Variants in SLC17A6 observed in about 807,000 individuals in gnomAD.
The protein encoded by SLC17A6 is vesicular glutamate transporter 2.
A neutral mutation model predicts 67.1 loss-of-function variants in SLC17A6; 35 were observed. The ratio of observed to expected loss-of-function variants is 0.52; its 90% CI spans 0.40 to 0.69. SLC17A6 has a LOEUF of 0.69. SLC17A6 is among the 30% of genes least tolerant of loss of function. The pLI, the probability that SLC17A6 is intolerant of heterozygous loss-of-function variation, is 0.00. For synonymous variants in SLC17A6, 285 were observed against 252.3 expected, an observed-to-expected ratio of 1.13 and a Z score of -1.23; for missense variants, 588 against 723.9, an observed-to-expected ratio of 0.81 and a Z score of 2.15.
In SLC17A6 at chr11:22,348,680, T is replaced by A. The variant is rs186610698; in HGVS notation, c.458+5315T>A. ...TCCTTGGGGTTTTGACTGATGCAACTCAATTTACATGCTGTATAAAATAGA... is the reference window on the plus strand; with the variant it reads ...TCCTTGGGGTTTTGACTGATGCAACACAATTTACATGCTGTATAAAATAGA... On this transcript the variant is annotated intron_variant, in intron 3 of 11. Transcript: ENST00000263160. Among the ~76,000 whole-genome samples the A allele has an allele frequency of 1.1e-3, 170 of 152,278 alleles. 2 individuals are homozygous for A. The highest frequency in any genetic ancestry group is 8.6e-3 in the Admixed American group (132 of 15,296).
chr11:22,358,203 ATAG>A (rs1313163318), intron 3 of SLC17A6, among the ~76,000 whole-genome samples: 2 of 152,224 alleles, frequency 1.3e-5, no homozygotes, highest in African/African-American at 4.8e-5. Context: ...CCTAAAATAT[ATAG>A]ATTAGCTCAT....
At position 22,360,532 on chromosome 11, in the gene SLC17A6, C is replaced by G. The variant is rs80302319; in HGVS notation, c.574-365C>G. On this transcript the variant is annotated intron_variant, in intron 4 of 11. Coordinates refer to ENST00000263160, the MANE Select transcript of SLC17A6 (RefSeq NM_020346.3). ...CCAAAAAACCCGCTCTCCTTCCCCC[C>G]CCCCCAAAAAAAAGATAGGTTCAAA... 2.2e-3 allele frequency among the ~76,000 whole-genome samples: 303 copies of G among 139,450 alleles called. 3 individuals carry two copies. Among genetic ancestry groups the G allele is most frequent in the African/African-American group, 6.9e-3 (276 of 39,770 alleles). The allele number at this position is 139,450 out of a possible 152,430, so 91.5% of individuals were successfully genotyped here. A position where few individuals can be genotyped will look rare whatever the true frequency, so the allele number is the denominator to read the frequency against.
In SLC17A6 at chr11:22,371,650, G is replaced by A. The variant is rs764023; in HGVS notation, c.1041+1462G>A. Among the ~76,000 whole-genome samples, 1,198 of 152,024 alleles carry A rather than the reference G, an allele frequency of 7.9e-3. 20 individuals carry two copies. Among genetic ancestry groups the A allele is most frequent in the African/African-American group, 0.027 (1,139 of 41,466 alleles). On this transcript the variant is annotated intron_variant, in intron 8 of 11. Coordinates refer to ENST00000263160, the MANE Select transcript of SLC17A6 (RefSeq NM_020346.3). ...CAACTGATGTTAATGAAACTGTGTG[G>A]TCATTTTGGTCCTGTAGCTCCAATT... is the stretch of plus-strand genomic sequence containing the variant.
chr11:22,373,475 A>T (rs1320554872), intron 8 of SLC17A6, among the ~76,000 whole-genome samples: 4 of 151,490 alleles, frequency 2.6e-5, no homozygotes, highest in Admixed American at 2.6e-4. Flanking sequence ...TTTTTTTTTT[A>T]ATGTCAGTTT....
At position 22,341,587 on chromosome 11, in the gene SLC17A6, C is replaced by T; in HGVS notation, c.146C>T (p.Pro49Leu). The change falls in exon 2 of 12, where the codon CCC becomes CTC. Residue 49 changes from proline to leucine, a missense_variant. By Grantham distance (98) the Pro-to-Leu change is moderately conservative (BLOSUM62 -3). Around this residue, in one of 4 missense-constraint regions of SLC17A6, gnomAD observed 117 missense variants for 98.7 expected, o/e 1.19. Transcript: ENST00000263160. ...ETIELTEDGK[P>L]LEVPERKAPL... Reference sequence around the variant, plus strand: ...ATCGAGCTGACGGAGGATGGGAAGCCCCTAGAGGTGCCCGAGAGGAAGGCG... The same window carrying T: ...ATCGAGCTGACGGAGGATGGGAAGCTCCTAGAGGTGCCCGAGAGGAAGGCG... 6.2e-7 allele frequency: 1 copy of T among 1,614,072 alleles called. No homozygotes were observed. The highest frequency in any genetic ancestry group is 8.5e-7 in the Non-Finnish European group (1 of 1,180,034).
intron 7 of SLC17A6, among the ~76,000 whole-genome samples, chr11:22,366,455 G>T (rs189607125): frequency 3.2e-4 from 49 of 152,040 alleles, no homozygotes; most frequent in African/African-American, 9.4e-4. Flanking sequence ...TGATATAAAA[G>T]AATTATAACA....
chr11:22,338,684 G>T, intron 1 of SLC17A6, 65 bp downstream of exon 1: 2 of 1,138,194 alleles, frequency 1.8e-6, no homozygotes, highest in South Asian at 1.3e-5. Flanking sequence ...GGCCGTTTCC[G>T]TAAACCCTGG....
intron 4 of SLC17A6, 43 bp downstream of exon 4, chr11:22,359,570 G>C: frequency 8.0e-7 from 1 of 1,254,108 alleles, no homozygotes; most frequent in Non-Finnish European, 1.1e-6. Flanking sequence ...TTGGCATTTG[G>C]TTGAGAACCA....
intron 3 of SLC17A6, among the ~76,000 whole-genome samples, chr11:22,351,461 G>C (rs973373085): frequency 2.0e-5 from 3 of 151,946 alleles, no homozygotes; most frequent in Non-Finnish European, 4.4e-5. Flanking sequence ...ATGAAGGCAG[G>C]CATACTGATA....
chr11:22,360,786 A>G, intron 4 of SLC17A6, 111 bp from the exon 5 acceptor site: 1 of 827,388 alleles, frequency 1.2e-6, no homozygotes, highest in Non-Finnish European at 1.9e-6. Flanking sequence ...ATCAGAAAAA[A>G]AGAAAATTGA....
At chr11:22,363,783 T>C (rs1434116666) in intron 6 of SLC17A6, among the ~76,000 whole-genome samples, 2 of 152,160 alleles carry the variant, frequency 1.3e-5, no homozygotes, top group Non-Finnish European at 2.9e-5. Flanking sequence ...GTGAACATTT[T>C]TTTTTTCTTA....
intron 7 of SLC17A6, 27 bp from the exon 8 acceptor site, chr11:22,370,012 A>G (rs765713023): frequency 1.3e-6 from 2 of 1,599,718 alleles, no homozygotes; most frequent in Middle Eastern, 1.7e-4. Context: ...TAAAATGGTC[A>G]TAATGTCTCT....
rs371812276 is a variant in SLC17A6, at chr11:22,355,264, C to T, written c.459-4149C>T. Among the ~76,000 whole-genome samples the T allele has an allele frequency of 5.9e-5, 9 of 152,210 alleles. No homozygotes were observed. The East Asian group carries it at 1.3e-3, about 23-fold the overall frequency. On this transcript the variant is annotated intron_variant, in intron 3 of 11. Coordinates refer to ENST00000263160, the MANE Select transcript of SLC17A6 (RefSeq NM_020346.3). ...GCTCTGAACCATTACCTAGTGATGTCGTTTTTAAAGACAAGGAAGCAGAAG... is the reference window on the plus strand; with the variant it reads ...GCTCTGAACCATTACCTAGTGATGTTGTTTTTAAAGACAAGGAAGCAGAAG...
intron 3 of SLC17A6, among the ~76,000 whole-genome samples, chr11:22,354,042 G>A (rs1855971213): frequency 6.6e-6 from 1 of 152,110 alleles, no homozygotes; most frequent in Non-Finnish European, 1.5e-5. Context: ...TATCATGCAT[G>A]TGAAAGTCTA....
chr11:22,342,889 C>G (rs770767037), intron 2 of SLC17A6: 5 of 462,710 alleles, frequency 1.1e-5, no homozygotes, highest in South Asian at 6.3e-5. Context: ...TTAAGTGGAC[C>G]CCTGACAGGC....
At chr11:22,361,245 A>C in intron 5 of SLC17A6, 1 of 357,570 alleles carries the variant, frequency 2.8e-6, no homozygotes, top group Non-Finnish European at 5.1e-6. Flanking sequence ...GGTGGTTTTT[A>C]TAATACTCTT....
intron 9 of SLC17A6, among the ~76,000 whole-genome samples, chr11:22,375,715 G>C (rs1203240528): frequency 6.6e-6 from 1 of 151,990 alleles, no homozygotes; most frequent in Non-Finnish European, 1.5e-5. Context: ...CCTGACCTAG[G>C]GTGATCTGCC....
intron 1 of SLC17A6, among the ~76,000 whole-genome samples, chr11:22,339,043 A>G (rs1029318770): frequency 7.0e-6 from 1 of 143,276 alleles, no homozygotes; most frequent in South Asian, 2.2e-4. Context: ...TAACCAAGAA[A>G]TTCCAAAGAG....
chr11:22,373,934 T>C (rs1856201821), intron 8 of SLC17A6, among the ~76,000 whole-genome samples: 2 of 152,216 alleles, frequency 1.3e-5, no homozygotes. Context: ...AAATTATGAA[T>C]GCCATCTGCC....
Sources: allele counts gnomAD v4.1 joint callset (sites outside exome capture counted in the v4.1 genomes callset), GRCh38; gene constraint gnomAD v4.1.1; regional missense constraint gnomAD v4.1.1; transcripts MANE v1.5; gene names NCBI Gene and HGNC (gene_info 2026-07-23, HGNC 2026-07-21).